The following BCL2L1 variants were observed in gnomAD, a reference collection of about 807,000 sequenced individuals.
BCL2L1 encodes BCL2 like 1.
In BCL2L1, 1 loss-of-function variant was observed where a neutral mutation model predicts 18.7. The ratio of observed to expected loss-of-function variants is 0.05; its 90% CI spans 0.02 to 0.25. BCL2L1 has a LOEUF of 0.25. Among genes scored for constraint, BCL2L1 ranks in the 10% least tolerant of loss-of-function variants. The pLI is 1.00. For synonymous variants in BCL2L1, 103 were observed against 122.7 expected, an observed-to-expected ratio of 0.84 and a Z score of 1.06; for missense variants, 207 against 304.9, an observed-to-expected ratio of 0.68 and a Z score of 2.39.
At chr20:31,672,217 C>A (rs1244021908) in intron 2 of BCL2L1, among the ~76,000 whole-genome samples, 1 of 151,940 alleles carries the variant, frequency 6.6e-6, no homozygotes, top group Non-Finnish European at 1.5e-5. Context: ...GTAATCCCAG[C>A]ACTTTGGGAG....
intron 2 of BCL2L1, among the ~76,000 whole-genome samples, chr20:31,694,718 C>G (rs2061138890): frequency 6.6e-6 from 1 of 152,174 alleles, no homozygotes; most frequent in African/African-American, 2.4e-5. Context: ...ACCCAACTGC[C>G]TATCATCTAG....
At chr20:31,715,274 A>C (rs2061515229) in intron 2 of BCL2L1, among the ~76,000 whole-genome samples, 1 of 150,322 alleles carries the variant, frequency 6.7e-6, no homozygotes, top group South Asian at 2.1e-4. Flanking sequence ...TCTGTCTCAA[A>C]AAAAAAAAAA....
intron 2 of BCL2L1, among the ~76,000 whole-genome samples, chr20:31,667,088 G>T (rs1303300840): frequency 6.6e-6 from 1 of 152,188 alleles, no homozygotes; most frequent in Non-Finnish European, 1.5e-5. Context: ...CCAGGGACTG[G>T]ATCAAGGTCA....
In BCL2L1 at chr20:31,688,471, A is replaced by AAAAAG. The variant is rs555815717; in HGVS notation, c.565-22390_565-22386dup. Among the ~76,000 whole-genome samples the AAAAAG allele has an allele frequency of 1.2e-4, 18 of 151,662 alleles. 1 individual carries two copies. Among genetic ancestry groups the AAAAAG allele is most frequent in the Admixed American group, 5.9e-4 (9 of 15,210 alleles). ...AAAAAAAAAAAAAAAGAAAGAAAAG[A>AAAAAG]AAAAGAAAAGAAAAGAAAAGAAAGA... On this transcript the variant is annotated intron_variant, in intron 2 of 2. Coordinates refer to ENST00000307677, the MANE Select transcript of BCL2L1 (RefSeq NM_138578.3).
At chr20:31,678,999 T>C (rs1222870549) in intron 2 of BCL2L1, among the ~76,000 whole-genome samples, 2 of 152,188 alleles carry the variant, frequency 1.3e-5, no homozygotes, top group African/African-American at 4.8e-5. Context: ...TGTGATGTGA[T>C]GGAACTGGGA....
In BCL2L1 at chr20:31,690,380, T is replaced by C. The variant is rs1356577643; in HGVS notation, c.565-24294A>G. Among the ~76,000 whole-genome samples the C allele has an allele frequency of 9.2e-5, 14 of 152,184 alleles. No homozygotes were observed. In the East Asian group the frequency reaches 2.7e-3, roughly 29 times the overall value. On this transcript the variant is annotated intron_variant, in intron 2 of 2. Transcript: ENST00000307677. ...TGCTGGGATTACAGGTGTGAGTCAC[T>C]GCACCTGGCCAATTTTAAACTTATT... is the stretch of plus-strand genomic sequence containing the variant.
chr20:31,695,138 A>G (rs1197626708), intron 2 of BCL2L1, among the ~76,000 whole-genome samples: 3 of 152,132 alleles, frequency 2.0e-5, no homozygotes, highest in Non-Finnish European at 4.4e-5. Flanking sequence ...TGAAGCTCTG[A>G]CCACTGCTCG....
intron 2 of BCL2L1, among the ~76,000 whole-genome samples, chr20:31,715,953 C>G (rs2122816346): frequency 6.6e-6 from 1 of 152,188 alleles, no homozygotes. Flanking sequence ...CACCTCAGTA[C>G]ACCCCCTCAA....
At chr20:31,698,285 G>C (rs2061216180) in intron 2 of BCL2L1, among the ~76,000 whole-genome samples, 1 of 152,120 alleles carries the variant, frequency 6.6e-6, no homozygotes, top group Admixed American at 6.6e-5. Flanking sequence ...CTGTCGCCCA[G>C]GTTGGAGTTC....
chr20:31,706,582 T>C (rs1254467402), intron 2 of BCL2L1, among the ~76,000 whole-genome samples: 1 of 152,238 alleles, frequency 6.6e-6, no homozygotes, highest in Non-Finnish European at 1.5e-5. Context: ...CCTCGTTTAG[T>C]CTTTCTCCCA....
intron 2 of BCL2L1, among the ~76,000 whole-genome samples, chr20:31,695,180 A>G (rs970156957): frequency 1.3e-5 from 2 of 152,130 alleles, no homozygotes; most frequent in African/African-American, 4.8e-5. Context: ...CCTGGTATAA[A>G]CTGCTGTTAT....
chr20:31,701,281 T>G (rs1291515269), intron 2 of BCL2L1, among the ~76,000 whole-genome samples: 1 of 152,188 alleles, frequency 6.6e-6, no homozygotes, highest in Non-Finnish European at 1.5e-5. Context: ...CTTGATCTCC[T>G]GACCTCATGA....
intron 2 of BCL2L1, among the ~76,000 whole-genome samples, chr20:31,674,706 A>C (rs926958234): frequency 6.6e-6 from 1 of 151,986 alleles, no homozygotes; most frequent in Non-Finnish European, 1.5e-5. Flanking sequence ...CCCCATCTCT[A>C]TAAGAAAAAT....
At chr20:31,707,547 G>A (rs2061386502) in intron 2 of BCL2L1, among the ~76,000 whole-genome samples, 2 of 152,100 alleles carry the variant, frequency 1.3e-5, no homozygotes, top group Admixed American at 1.3e-4. Flanking sequence ...GGGAGGCTGA[G>A]GCGGACAGAT....
intron 2 of BCL2L1, among the ~76,000 whole-genome samples, chr20:31,704,662 G>A (rs1168460659): frequency 6.6e-6 from 1 of 152,142 alleles, no homozygotes; most frequent in Non-Finnish European, 1.5e-5. Context: ...TCCCATCTTG[G>A]AAAACATCCT....
intron 2 of BCL2L1, chr20:31,720,858 G>A (rs907564765): frequency 2.0e-6 from 2 of 985,288 alleles, no homozygotes; most frequent in Non-Finnish European, 2.4e-6. Flanking sequence ...AGTGCTTGAA[G>A]AGGCCCCTGG....
At chr20:31,672,951 T>G (rs1462063873) in intron 2 of BCL2L1, among the ~76,000 whole-genome samples, 1 of 152,066 alleles carries the variant, frequency 6.6e-6, no homozygotes, top group Non-Finnish European at 1.5e-5. Flanking sequence ...CCTCCTACCT[T>G]GGTCTTCCAA....
In BCL2L1 at chr20:31,696,773, C is replaced by T. The variant is rs187503332; in HGVS notation, c.564+24882G>A. Among the ~76,000 whole-genome samples, 38 of 151,862 alleles carry T rather than the reference C, an allele frequency of 2.5e-4. No homozygotes were observed. The South Asian group carries it at 3.3e-3, about 13-fold the overall frequency. On this transcript the variant is annotated intron_variant, in intron 2 of 2. Coordinates refer to ENST00000307677, the MANE Select transcript of BCL2L1 (RefSeq NM_138578.3). ...ACTAAAAATTTAAAAATAAGCTAGT[C>T]GGCCGGGTGTGGTGGCTCACACCTG...
At chr20:31,721,421 T>C (rs2061627934) in intron 2 of BCL2L1, 4 of 546,182 alleles carry the variant, frequency 7.3e-6, no homozygotes, top group Admixed American at 7.0e-5. Context: ...AAGTATGGAA[T>C]AGTGGAGTCA....
Sources: gnomAD v4.1 joint callset for allele counts (sites outside exome capture counted in the v4.1 genomes callset) on GRCh38, gnomAD v4.1.1 for gene constraint, MANE v1.5 for transcripts, NCBI Gene and HGNC (gene_info 2026-07-23, HGNC 2026-07-21) for gene names.